ENOX1: variants seen among roughly 807,000 people sequenced by gnomAD.
ENOX1 encodes ecto-NOX disulfide-thiol exchanger 1, also known as candidate growth-related and time keeping constitutive hydroquinone (NADH) oxidase.
A neutral mutation model predicts 82.5 loss-of-function variants in ENOX1; 42 were observed. The ratio of observed to expected loss-of-function variants is 0.51; its 90% CI spans 0.40 to 0.66. ENOX1 has a LOEUF of 0.66. ENOX1 is among the 30% of genes least tolerant of loss of function. The probability of loss-of-function intolerance (pLI) is 0.00; values close to 1 mark genes in which losing one functional copy is unlikely to be tolerated. For synonymous variants in ENOX1, 271 were observed against 282.2 expected (o/e 0.96, Z 0.40); for missense variants, 608 against 811.6 (o/e 0.75, Z 3.05).
intron 3 of ENOX1, among the ~76,000 whole-genome samples, chr13:43,471,785 G>T (rs986641515): frequency 6.7e-6 from 1 of 148,988 alleles, no homozygotes; most frequent in African/African-American, 2.5e-5. Context: ...GCTCCAGCCT[G>T]GGTGACAGAG....
chr13:43,609,944 T>A (rs1020372508), intron 2 of ENOX1: 2 of 978,154 alleles, frequency 2.0e-6, no homozygotes, highest in Non-Finnish European at 2.4e-6. Flanking sequence ...GATAAATTAA[T>A]CTTTGGTTCC....
Position 43,469,523 on chromosome 13 carries a change from A to G in ENOX1, c.-75+14486T>C, listed in dbSNP as rs1336097565. 4.6e-5 allele frequency among the ~76,000 whole-genome samples: 7 copies of G among 152,086 alleles called. No homozygotes were observed. The East Asian group carries it at 5.8e-4, about 13-fold the overall frequency. Reference sequence around the variant, plus strand: ...TTGAAAAATAAAAATTTTAAATTCTATCTGAAATATTTAAAAATAAAATTC... The same window carrying G: ...TTGAAAAATAAAAATTTTAAATTCTGTCTGAAATATTTAAAAATAAAATTC... On this transcript the variant is annotated intron_variant, in intron 3 of 16. Transcript: ENST00000690772.
chr13:43,416,733 G>A lies in ENOX1; in HGVS notation c.-74-3745C>T, dbSNP rs186976995. Among the ~76,000 whole-genome samples the A allele has an allele frequency of 8.4e-3, 1,265 of 150,800 alleles. 14 individuals carry two copies. The highest frequency in any genetic ancestry group is 0.029 in the African/African-American group (1,204 of 41,132). On this transcript the variant is annotated intron_variant, in intron 3 of 16. Transcript: ENST00000690772. ...GCGCTCCTCACTTCCCAGACAGGGC[G>A]GCCGGGCAGAGGGGCTCCTCACATC...
At chr13:43,617,688 T>A (rs575573801) in intron 2 of ENOX1, among the ~76,000 whole-genome samples, 3 of 152,354 alleles carry the variant, frequency 2.0e-5, no homozygotes, top group Middle Eastern at 6.8e-3. Context: ...TAAACATGCA[T>A]GTGCAAGTGT....
chr13:43,536,177 T>C lies in ENOX1; in HGVS notation c.-218-52025A>G, dbSNP rs553743844. Among the ~76,000 whole-genome samples the C allele has an allele frequency of 1.0e-3, 154 of 152,236 alleles. 1 individual carries two copies. The highest frequency in any genetic ancestry group is 1.8e-3 in the Non-Finnish European group (125 of 68,036). On this transcript the variant is annotated intron_variant, in intron 2 of 16. Coordinates refer to ENST00000690772, the MANE Select transcript of ENOX1 (RefSeq NM_001347969.2). ...AAAAACACTGTGGAAAAATGAATCA[T>C]GTTTTAATTGCTATAATGCTGCATC...
chr13:43,334,587 A>C (rs1317043155), intron 9 of ENOX1, among the ~76,000 whole-genome samples: 1 of 152,066 alleles, frequency 6.6e-6, no homozygotes, highest in East Asian at 1.9e-4. Context: ...CTTGGCTGAA[A>C]CTTGCAGCTA....
At chr13:43,219,746 A>AT (rs1164235504) in intron 16 of ENOX1, among the ~76,000 whole-genome samples, 3 of 152,206 alleles carry the variant, frequency 2.0e-5, no homozygotes, top group Non-Finnish European at 2.9e-5. Flanking sequence ...CCGGCCTCTA[A>AT]TCACATGTAC....
intron 2 of ENOX1, among the ~76,000 whole-genome samples, chr13:43,499,901 G>T (rs1171107268): frequency 6.6e-6 from 1 of 151,804 alleles, no homozygotes; most frequent in Non-Finnish European, 1.5e-5. Context: ...CCATAAAAAA[G>T]AACCAAATAG....
intron 1 of ENOX1, among the ~76,000 whole-genome samples, chr13:43,756,541 A>C: frequency 1.1e-5 from 1 of 92,966 alleles, no homozygotes; most frequent in African/African-American, 4.2e-5. Flanking sequence ...AGGGGAGGGG[A>C]GGGGAGGCAG....
chr13:43,477,544 C>T (rs2058338703), intron 3 of ENOX1, among the ~76,000 whole-genome samples: 1 of 152,070 alleles, frequency 6.6e-6, no homozygotes, highest in African/African-American at 2.4e-5. Context: ...ACAATGGAGA[C>T]TTACTGTAGA....
chr13:43,417,241 A>AGGGAG (rs749590659), intron 3 of ENOX1, among the ~76,000 whole-genome samples: 2,258 of 35,836 alleles, frequency 0.063, 56 homozygotes, highest in Middle Eastern at 0.17. Flanking sequence ...GAGACGGGAG[A>AGGGAG]CGGGAGAGGG....
chr13:43,467,310 A>G (rs1057409048), intron 3 of ENOX1, among the ~76,000 whole-genome samples: 2 of 152,164 alleles, frequency 1.3e-5, no homozygotes, highest in African/African-American at 4.8e-5. Flanking sequence ...CTACATTACT[A>G]TATACTATAT....
chr13:43,527,038 G>A (rs1211274881), intron 2 of ENOX1, among the ~76,000 whole-genome samples: 1 of 152,024 alleles, frequency 6.6e-6, no homozygotes, highest in Non-Finnish European at 1.5e-5. Flanking sequence ...AAACTTGCCA[G>A]AGCCTTGTTC....
chr13:43,555,816 A>C (rs992970643), intron 2 of ENOX1, among the ~76,000 whole-genome samples: 5 of 152,226 alleles, frequency 3.3e-5, no homozygotes, highest in African/African-American at 7.2e-5. Context: ...GACAAAGAAC[A>C]CTGCTACTCT....
intron 3 of ENOX1, among the ~76,000 whole-genome samples, chr13:43,474,804 C>A (rs540870790): frequency 1.5e-3 from 224 of 151,294 alleles, no homozygotes; most frequent in Non-Finnish European, 2.2e-3. Context: ...TAATATGGAC[C>A]CTGATGTAAA....
chr13:43,650,357 A>C (rs546689850), intron 2 of ENOX1, among the ~76,000 whole-genome samples: 2 of 152,324 alleles, frequency 1.3e-5, no homozygotes, highest in South Asian at 4.1e-4. Flanking sequence ...ACAATCCAGC[A>C]GGCCACAGGC....
At chr13:43,474,183 G>A (rs765465690) in intron 3 of ENOX1, among the ~76,000 whole-genome samples, 3 of 152,092 alleles carry the variant, frequency 2.0e-5, no homozygotes, top group Non-Finnish European at 4.4e-5. Context: ...TATTCGTGAA[G>A]CAAGATAGCG....
intron 2 of ENOX1, among the ~76,000 whole-genome samples, chr13:43,530,770 G>C (rs982847834): frequency 6.6e-6 from 1 of 152,072 alleles, no homozygotes; most frequent in Non-Finnish European, 1.5e-5. Context: ...AAAATTGTTA[G>C]AGTATTAATG....
chr13:43,383,618 G>A (rs933827180), intron 5 of ENOX1, among the ~76,000 whole-genome samples: 7 of 152,012 alleles, frequency 4.6e-5, no homozygotes, highest in African/African-American at 1.5e-4. Context: ...ACTCAAAGGC[G>A]ACAGACCCCA....
Sources: allele counts gnomAD v4.1 joint callset (sites outside exome capture counted in the v4.1 genomes callset), GRCh38; gene constraint gnomAD v4.1.1; transcripts MANE v1.5; gene names NCBI Gene and HGNC (gene_info 2026-07-23, HGNC 2026-07-21).